PDGFC: variants seen among roughly 807,000 people sequenced by gnomAD.
PDGFC encodes platelet-derived growth factor C.
PDGFC carries 12 observed loss-of-function variants against 35.5 expected under a neutral mutation model. The ratio of observed to expected loss-of-function variants is 0.34; its 90% confidence interval spans 0.22 to 0.55. The LOEUF is 0.55. PDGFC is among the 20% of genes least tolerant of loss of function. The pLI, the probability that PDGFC is intolerant of heterozygous loss-of-function variation, is 0.91. For missense variants in PDGFC, 322 were observed against 412.4 expected, an observed-to-expected ratio of 0.78 and a Z score of 1.90; for synonymous variants, 159 against 148.8, an observed-to-expected ratio of 1.07 and a Z score of -0.50.
At chr4:156,776,803 C>T (rs1251799525) in intron 3 of PDGFC, among the ~76,000 whole-genome samples, 1 of 152,168 alleles carries the variant, frequency 6.6e-6, no homozygotes, top group Non-Finnish European at 1.5e-5. Flanking sequence ...CAGAGATACT[C>T]ACATGTAGGG....
chr4:156,892,739 T>C (rs1163908638), intron 1 of PDGFC, among the ~76,000 whole-genome samples: 3 of 152,206 alleles, frequency 2.0e-5, no homozygotes, highest in Admixed American at 2.0e-4. Context: ...ATTTATAATT[T>C]CTCTACAGCT....
chr4:156,887,721 T>G (rs989541283), intron 1 of PDGFC, among the ~76,000 whole-genome samples: 3 of 152,250 alleles, frequency 2.0e-5, no homozygotes, highest in Admixed American at 6.5e-5. Context: ...TTTTAAAAAA[T>G]ATTTTATTGT....
intron 1 of PDGFC, among the ~76,000 whole-genome samples, chr4:156,858,028 C>G (rs1339490068): frequency 6.6e-6 from 1 of 152,058 alleles, no homozygotes; most frequent in African/African-American, 2.4e-5. Context: ...ACTTTCTATA[C>G]TTACAGCCAA....
At chr4:156,895,830 G>A (rs1477170930) in intron 1 of PDGFC, among the ~76,000 whole-genome samples, 1 of 152,058 alleles carries the variant, frequency 6.6e-6, no homozygotes, top group Non-Finnish European at 1.5e-5. Flanking sequence ...GAACAGTTAA[G>A]AATGAAATGC....
At chr4:156,766,875 T>C (rs1036309818) in intron 5 of PDGFC, among the ~76,000 whole-genome samples, 1 of 152,094 alleles carries the variant, frequency 6.6e-6, no homozygotes, top group Admixed American at 6.6e-5. Flanking sequence ...CGGCTTTCAC[T>C]TCATTAAGGA....
chr4:156,927,712 A>G lies in PDGFC; in HGVS notation c.118+43074T>C, dbSNP rs558303437. 7.9e-4 allele frequency among the ~76,000 whole-genome samples: 120 copies of G among 152,204 alleles called. 1 individual carries two copies. The highest frequency in any genetic ancestry group is 2.7e-3 in the African/African-American group (113 of 41,536). ...ATCAGCATTTTGGCCAAACCATTCA[A>G]TGAGTCTCTAGGGAGTCCCAAACTT... On this transcript the variant is annotated intron_variant, in intron 1 of 5. Coordinates refer to ENST00000502773, the MANE Select transcript of PDGFC (RefSeq NM_016205.3).
chr4:156,950,079 G>A (rs1202487910), intron 1 of PDGFC, among the ~76,000 whole-genome samples: 3 of 152,018 alleles, frequency 2.0e-5, no homozygotes, highest in East Asian at 3.9e-4. Flanking sequence ...AAGGGGTCTC[G>A]AGTATGACAC....
At chr4:156,908,358 T>G (rs1730965996) in intron 1 of PDGFC, among the ~76,000 whole-genome samples, 1 of 152,188 alleles carries the variant, frequency 6.6e-6, no homozygotes, top group Admixed American at 6.5e-5. Context: ...ATTTACTAGA[T>G]AATTTACCTC....
intron 2 of PDGFC, among the ~76,000 whole-genome samples, chr4:156,817,513 A>G (rs1732120249): frequency 6.6e-6 from 1 of 152,196 alleles, no homozygotes; most frequent in Admixed American, 6.5e-5. Flanking sequence ...AAAAGTAGAA[A>G]AAGTTAAGAT....
At chr4:156,912,038 A>T (rs1315739151) in intron 1 of PDGFC, among the ~76,000 whole-genome samples, 2 of 152,174 alleles carry the variant, frequency 1.3e-5, no homozygotes, top group Admixed American at 6.5e-5. Context: ...GAGACTAAGG[A>T]AAGTTTTCTT....
chr4:156,825,881 T>C (rs912188673), intron 2 of PDGFC, among the ~76,000 whole-genome samples: 2 of 151,644 alleles, frequency 1.3e-5, no homozygotes, highest in Non-Finnish European at 2.9e-5. Context: ...TTTTTTTTTT[T>C]TTTCTTGAAG....
intron 1 of PDGFC, among the ~76,000 whole-genome samples, chr4:156,929,111 T>A (rs889101326): frequency 1.3e-5 from 2 of 152,198 alleles, no homozygotes; most frequent in African/African-American, 4.8e-5. Flanking sequence ...CCCTTGCTAT[T>A]TAAATACTCT....
chr4:156,817,158 A>G (rs1031061906), intron 2 of PDGFC, among the ~76,000 whole-genome samples: 6 of 152,184 alleles, frequency 3.9e-5, no homozygotes, highest in Non-Finnish European at 1.5e-5. Context: ...TTACTAAAAA[A>G]AAACTACAAA....
chr4:156,825,593 T>TAAGAAGAAGAAGAAGAAG (rs60033232), intron 2 of PDGFC, among the ~76,000 whole-genome samples: 91 of 62,178 alleles, frequency 1.5e-3, no homozygotes, highest in African/African-American at 3.9e-3. Context: ...ATAATAATAA[T>TAAGAAGAAGAAGAAGAAG]AAGAAGAAGA....
chr4:156,885,016 G>A (rs1000418331), intron 1 of PDGFC, among the ~76,000 whole-genome samples: 6 of 152,070 alleles, frequency 3.9e-5, no homozygotes, highest in Non-Finnish European at 2.9e-5. Context: ...TTGCCCTTTA[G>A]CTTCTTTTAC....
chr4:156,826,174 ATTTTTTT>A lies in PDGFC; in HGVS notation c.315-15164_315-15158del, dbSNP rs59421806. On this transcript the variant is annotated intron_variant, in intron 2 of 5. Coordinates refer to ENST00000502773, the MANE Select transcript of PDGFC (RefSeq NM_016205.3). The stretch of plus-strand genomic sequence containing the variant: ...GCCACCATATCCAGCTTTGAGTTGG[ATTTTTTT>A]TTTTTTTTTTTTTTTTTTTTTTTTT... 5.9e-3 allele frequency among the ~76,000 whole-genome samples: 260 copies of A among 43,768 alleles called. 9 individuals carry two copies. The East Asian group carries it at 0.083, about 14-fold the overall frequency. 28.7% of individuals were successfully genotyped at this position (43,768 alleles called of 152,430 possible). A position where few individuals can be genotyped will look rare whatever the true frequency, so the allele number is the denominator to read the frequency against.
chr4:156,764,713 T>C (rs1004385010), intron 5 of PDGFC, among the ~76,000 whole-genome samples: 1 of 152,218 alleles, frequency 6.6e-6, no homozygotes, highest in African/African-American at 2.4e-5. Flanking sequence ...TTTAACTCAA[T>C]GGCTACTGAA....
At chr4:156,787,392 C>T (rs938384244) in intron 3 of PDGFC, among the ~76,000 whole-genome samples, 9 of 152,114 alleles carry the variant, frequency 5.9e-5, no homozygotes, top group East Asian at 1.9e-4. Flanking sequence ...TTTAGCAATA[C>T]GTCATCATGG....
intron 3 of PDGFC, among the ~76,000 whole-genome samples, chr4:156,796,388 C>A (rs1202417911): frequency 6.6e-6 from 1 of 150,952 alleles, no homozygotes; most frequent in Non-Finnish European, 1.5e-5. Context: ...TGAATTGTAC[C>A]AAGTATCAAT....
Sources: gnomAD v4.1 joint callset for allele counts (sites outside exome capture counted in the v4.1 genomes callset) on GRCh38, gnomAD v4.1.1 for gene constraint, MANE v1.5 for transcripts, NCBI Gene and HGNC (gene_info 2026-07-23, HGNC 2026-07-21) for gene names.